FRMD5: variants seen among roughly 807,000 people sequenced by gnomAD.
The protein encoded by FRMD5 is FERM domain-containing protein 5.
FRMD5 carries 20 observed loss-of-function variants against 69.0 expected under a neutral mutation model. The ratio of observed to expected loss-of-function variants is 0.29; its 90% confidence interval spans 0.20 to 0.42. The LOEUF (loss-of-function observed/expected upper bound fraction) is 0.42, where lower values mean the gene tolerates loss of function less well. FRMD5 is among the 10% of genes least tolerant of loss of function. FRMD5 has a pLI of 1.00. For synonymous variants in FRMD5, 271 were observed against 260.1 expected (o/e 1.04, Z -0.40); for missense variants, 595 against 708.6 (o/e 0.84, Z 1.82).
intron 1 of FRMD5, among the ~76,000 whole-genome samples, chr15:43,924,542 G>A (rs2918952): frequency 0.09 from 13,756 of 152,216 alleles, 1,110 homozygotes; most frequent in African/African-American, 0.22. Context: ...TGTCAGAGAA[G>A]TCAGGGTAGA....
At chr15:44,170,703 C>T (rs972973331) in intron 1 of FRMD5, among the ~76,000 whole-genome samples, 1 of 152,114 alleles carries the variant, frequency 6.6e-6, no homozygotes, top group African/African-American at 2.4e-5. Context: ...AGTCTCTGAA[C>T]CCTGCCAGCC....
At chr15:43,944,952 T>TC (rs35317709) in intron 1 of FRMD5, among the ~76,000 whole-genome samples, 16,549 of 133,010 alleles carry the variant, frequency 0.12, 2,671 homozygotes, top group African/African-American at 0.41. Context: ...AGTTTATTTA[T>TC]TTATTTTTTT....
intron 13 of FRMD5, among the ~76,000 whole-genome samples, chr15:43,883,422 A>G (rs1026659042): frequency 7.2e-5 from 11 of 152,092 alleles, no homozygotes; most frequent in Non-Finnish European, 1.0e-4. Context: ...ATGGAAAGCA[A>G]TTTCAGAACT....
At chr15:44,039,925 T>C (rs1478717159) in intron 1 of FRMD5, among the ~76,000 whole-genome samples, 1 of 151,738 alleles carries the variant, frequency 6.6e-6, no homozygotes, top group African/African-American at 2.4e-5. Context: ...CTAAGAACCT[T>C]GAAAAAATGT....
chr15:44,172,275 T>C (rs2077818965), intron 1 of FRMD5, among the ~76,000 whole-genome samples: 1 of 148,894 alleles, frequency 6.7e-6, no homozygotes, highest in Non-Finnish European at 1.5e-5. Flanking sequence ...TCTTTTTCTT[T>C]TTTTTTTTTT....
rs182848536 is a variant in FRMD5, at chr15:44,038,609, T to C, written c.103-114300A>G. The stretch of plus-strand genomic sequence containing the variant: ...CTCCAGTCTGCAGCTCCCAGCAAGA[T>C]CAATGCAGAAAACAGGTGATTTCTG... On this transcript the variant is annotated intron_variant, in intron 1 of 13. Transcript: ENST00000417257. Among the ~76,000 whole-genome samples the C allele has an allele frequency of 5.5e-4, 72 of 131,084 alleles. 1 individual carries two copies. The highest frequency in any genetic ancestry group is 4.9e-3 in the Admixed American group (51 of 10,400). The allele number at this position is 131,084 out of a possible 152,430, so 86.0% of individuals were successfully genotyped here. A position where few individuals can be genotyped will look rare whatever the true frequency, so the allele number is the denominator to read the frequency against.
intron 1 of FRMD5, among the ~76,000 whole-genome samples, chr15:44,088,299 T>A (rs1235836271): frequency 6.6e-6 from 1 of 152,162 alleles, no homozygotes; most frequent in Non-Finnish European, 1.5e-5. Context: ...CAGTCACTCC[T>A]CACTTTCCAT....
intron 1 of FRMD5, among the ~76,000 whole-genome samples, chr15:44,035,275 A>G (rs1376167615): frequency 6.6e-6 from 1 of 152,198 alleles, no homozygotes; most frequent in Admixed American, 6.5e-5. Flanking sequence ...AAAAGGCCAT[A>G]AAGACCTTAA....
In FRMD5 at chr15:44,166,783, CAAAAA is replaced by C. The variant is rs1006711939; in HGVS notation, c.102+28165_102+28169del. 1.7e-3 allele frequency among the ~76,000 whole-genome samples: 91 copies of C among 53,032 alleles called. 2 individuals carry two copies. Among genetic ancestry groups the C allele is most frequent in the Middle Eastern group, 7.7e-3 (1 of 130 alleles). The allele number at this position is 53,032 out of a possible 152,430, so 34.8% of individuals were successfully genotyped here. A position where few individuals can be genotyped will look rare whatever the true frequency, so the allele number is the denominator to read the frequency against. On this transcript the variant is annotated intron_variant, in intron 1 of 13. Coordinates refer to ENST00000417257, the MANE Select transcript of FRMD5 (RefSeq NM_032892.5). ...TGGGTGACAAAGTGAGACCCTATCT[CAAAAA>C]AAAAAAAAAAAAAAAAAAAGAAGAA...
chr15:43,952,845 A>G (rs899808205), intron 1 of FRMD5, among the ~76,000 whole-genome samples: 3 of 152,236 alleles, frequency 2.0e-5, no homozygotes, highest in Non-Finnish European at 4.4e-5. Context: ...ATGCAGATGA[A>G]AAATTATTTG....
chr15:44,064,066 A>T (rs1473724976), intron 1 of FRMD5: 1 of 210,078 alleles, frequency 4.8e-6, no homozygotes, highest in Non-Finnish European at 9.7e-6. Context: ...GGACACCCAG[A>T]AGACTGTGGA....
Position 44,191,922 on chromosome 15 carries a change from T to TATATATATATA in FRMD5, c.102+3030_102+3031insTATATATATAT, listed in dbSNP as rs1279440991. Among the ~76,000 whole-genome samples, 12 of 8,926 alleles carry TATATATATATA rather than the reference T, an allele frequency of 1.3e-3. 1 individual carries two copies. Among genetic ancestry groups the TATATATATATA allele is most frequent in the East Asian group, 4.7e-3 (2 of 422 alleles). 5.9% of individuals were successfully genotyped at this position (8,926 alleles called of 152,430 possible). A position where few individuals can be genotyped will look rare whatever the true frequency, so the allele number is the denominator to read the frequency against. On this transcript the variant is annotated intron_variant, in intron 1 of 13. Transcript: ENST00000417257. ...ATATATATATATATATATATATATA[T>TATATATATATA]TATATATATATATATATATGTATCT...
rs756311373 is a variant in FRMD5, at chr15:44,195,247, C to A, written c.-193G>T. ...TCCCTCAGCCGCCACCGCCTCCCCC[C>A]AGCCCAGATCAAGCGCCGGGCTCTG... On this transcript the variant is annotated 5_prime_UTR_variant, in exon 1 of 14. Coordinates refer to ENST00000417257, the MANE Select transcript of FRMD5 (RefSeq NM_032892.5). The A allele has an allele frequency of 3.4e-5, 18 of 532,004 alleles. No individual in the cohort carries two copies. Among genetic ancestry groups the A allele is most frequent in the Middle Eastern group, 4.9e-4 (1 of 2,040 alleles). The allele number at this position is 532,004 out of a possible 1,614,324, so 33.0% of individuals were successfully genotyped here. A position where few individuals can be genotyped will look rare whatever the true frequency, so the allele number is the denominator to read the frequency against.
chr15:43,971,601 T>C (rs1264834654), intron 1 of FRMD5, among the ~76,000 whole-genome samples: 1 of 149,324 alleles, frequency 6.7e-6, no homozygotes, highest in Non-Finnish European at 1.5e-5. Flanking sequence ...GGAGAATCAC[T>C]TGAACCCAGG....
intron 1 of FRMD5, among the ~76,000 whole-genome samples, chr15:43,982,285 G>C (rs540332752): frequency 1.3e-5 from 2 of 152,220 alleles, no homozygotes; most frequent in African/African-American, 2.4e-5. Context: ...CAGGGGCATT[G>C]TCTGATATCA....
At chr15:44,080,983 A>G (rs1893973449) in intron 1 of FRMD5, among the ~76,000 whole-genome samples, 1 of 152,082 alleles carries the variant, frequency 6.6e-6, no homozygotes, top group East Asian at 1.9e-4. Context: ...AATAAATAAT[A>G]CAAATGAGAT....
At chr15:43,891,342 C>T (rs1166521250) in intron 8 of FRMD5, among the ~76,000 whole-genome samples, 1 of 151,934 alleles carries the variant, frequency 6.6e-6, no homozygotes, top group East Asian at 1.9e-4. Context: ...GTGGCTCTTG[C>T]CTGTTAGATG....
At position 43,957,190 on chromosome 15, in the gene FRMD5, C is replaced by A. The variant is rs939534183; in HGVS notation, c.103-32881G>T. The stretch of plus-strand genomic sequence containing the variant: ...CCTATTAAAATATTTGTGATAATTT[C>A]TTTCTTTCTTTTTTTTTCTTTTTGA... On this transcript the variant is annotated intron_variant, in intron 1 of 13. Transcript: ENST00000417257. 3.9e-5 allele frequency among the ~76,000 whole-genome samples: 6 copies of A among 151,928 alleles called. No individual in the cohort carries two copies. The South Asian group carries it at 8.3e-4, about 21-fold the overall frequency.
chr15:43,907,371 T>C (rs2089198334), intron 5 of FRMD5, among the ~76,000 whole-genome samples: 3 of 152,200 alleles, frequency 2.0e-5, no homozygotes, highest in Admixed American at 6.5e-5. Context: ...ACCTTGAGCC[T>C]TGCAGTCTTT....
Sources: gnomAD v4.1 joint callset for allele counts (sites outside exome capture counted in the v4.1 genomes callset) on GRCh38, gnomAD v4.1.1 for gene constraint, MANE v1.5 for transcripts, NCBI Gene and HGNC (gene_info 2026-07-23, HGNC 2026-07-21) for gene names.